NCK2: variants seen among roughly 807,000 people sequenced by gnomAD.
NCK2 encodes the protein cytoplasmic protein NCK2.
A neutral mutation model predicts 33.9 loss-of-function variants in NCK2; 16 were observed. The observed-to-expected ratio is 0.47, with a 90% confidence interval of 0.32 to 0.72. NCK2 has a LOEUF of 0.72. NCK2 is among the 30% of genes least tolerant of loss of function. NCK2 has a pLI of 0.03. For synonymous variants in NCK2, 273 were observed against 239.9 expected (o/e 1.14, Z -1.27); for missense variants, 418 against 537.3 (o/e 0.78, Z 2.19).
At chr2:105,848,236 G>C (rs192648512) in intron 2 of NCK2, among the ~76,000 whole-genome samples, 1 of 152,270 alleles carries the variant, frequency 6.6e-6, no homozygotes, top group Non-Finnish European at 1.5e-5. Flanking sequence ...ACACAGAAAT[G>C]GGGGGCAGAG....
chr2:105,885,242 A>G (rs914948547), intron 4 of NCK2, among the ~76,000 whole-genome samples: 4 of 152,232 alleles, frequency 2.6e-5, no homozygotes, highest in Non-Finnish European at 4.4e-5. Flanking sequence ...GTTCCCGAAG[A>G]TATCATGTAT....
chr2:105,852,070 G>A (rs1677089523), intron 2 of NCK2, among the ~76,000 whole-genome samples: 1 of 151,948 alleles, frequency 6.6e-6, no homozygotes, highest in African/African-American at 2.4e-5. Context: ...GTTGGAATAA[G>A]CCTATCAAAA....
intron 1 of NCK2, among the ~76,000 whole-genome samples, chr2:105,777,141 C>T (rs1169938755): frequency 6.6e-6 from 1 of 152,050 alleles, no homozygotes; most frequent in Non-Finnish European, 1.5e-5. Flanking sequence ...TCTGAGCCCA[C>T]GGCCCTGCGG....
At chr2:105,842,894 G>A (rs1676703590) in intron 2 of NCK2, among the ~76,000 whole-genome samples, 1 of 150,500 alleles carries the variant, frequency 6.6e-6, no homozygotes, top group Non-Finnish European at 1.5e-5. Context: ...GGGTGGTGGG[G>A]TGGGGGGGTT....
chr2:105,857,714 C>T lies in NCK2; in HGVS notation c.226+2425C>T, dbSNP rs181103607. The stretch of plus-strand genomic sequence containing the variant: ...CCAAAAGGCCCTTGGGGATCAGTAT[C>T]CCCGTCATGAGGGAGAAATATCCCC... On this transcript the variant is annotated intron_variant, in intron 3 of 4. Coordinates refer to ENST00000233154, the MANE Select transcript of NCK2 (RefSeq NM_003581.5). 2.6e-3 allele frequency among the ~76,000 whole-genome samples: 398 copies of T among 152,324 alleles called. 3 individuals carry two copies. Among genetic ancestry groups the T allele is most frequent in the Non-Finnish European group, 4.1e-3 (281 of 68,030 alleles).
intron 2 of NCK2, among the ~76,000 whole-genome samples, chr2:105,818,432 AATATAT>A (rs1009429130): frequency 2.0e-5 from 3 of 151,550 alleles, no homozygotes; most frequent in South Asian, 4.2e-4. Context: ...GTGTAATAAA[AATATAT>A]ATATATAAAA....
At chr2:105,801,890 G>A (rs1210714086) in intron 1 of NCK2, among the ~76,000 whole-genome samples, 1 of 152,252 alleles carries the variant, frequency 6.6e-6, no homozygotes, top group East Asian at 1.9e-4. Flanking sequence ...GATGGAGCTG[G>A]CATTGCATTC....
At chr2:105,864,026 G>A (rs1321138244) in intron 3 of NCK2, among the ~76,000 whole-genome samples, 2 of 152,142 alleles carry the variant, frequency 1.3e-5, no homozygotes, top group East Asian at 1.9e-4. Context: ...ATGTGAAGAC[G>A]GAAACCCATA....
At chr2:105,854,545 A>G (rs1038273888) in intron 2 of NCK2, 8 of 152,798 alleles carry the variant, frequency 5.2e-5, no homozygotes, top group African/African-American at 1.9e-4. Context: ...TTTTGATTTC[A>G]CCAGTATTTC....
At chr2:105,846,312 G>A (rs554910654) in intron 2 of NCK2, among the ~76,000 whole-genome samples, 1 of 152,124 alleles carries the variant, frequency 6.6e-6, no homozygotes, top group Non-Finnish European at 1.5e-5. Flanking sequence ...AGTCTAGTCT[G>A]CAGAACGCTA....
intron 3 of NCK2, among the ~76,000 whole-genome samples, chr2:105,876,639 A>T (rs374086685): frequency 6.6e-6 from 1 of 152,218 alleles, no homozygotes; most frequent in Non-Finnish European, 1.5e-5. Context: ...TTGTTGAGAA[A>T]ATATGTTAAA....
intron 1 of NCK2, among the ~76,000 whole-genome samples, chr2:105,783,600 A>G (rs1408795783): frequency 1.3e-5 from 2 of 152,144 alleles, no homozygotes; most frequent in Admixed American, 6.5e-5. Flanking sequence ...GCGGAGAATA[A>G]TGGTGTGTTT....
chr2:105,830,634 A>G (rs1434847994), intron 2 of NCK2, among the ~76,000 whole-genome samples: 1 of 145,208 alleles, frequency 6.9e-6, no homozygotes, highest in Non-Finnish European at 1.5e-5. Context: ...ATGGTAAATT[A>G]GTGTTCCTCT....
In NCK2 at chr2:105,882,006, G is replaced by T; in HGVS notation, c.905G>T (p.Arg302Leu). ...RHQAECALNERGVEGDFLIRD... is the reference protein window; with the variant it reads ...RHQAECALNELGVEGDFLIRD... ...CAGGCCGAGTGCGCCCTCAACGAGC[G>T]GGGCGTGGAGGGCGACTTCCTCATT... The change falls in exon 4 of 5, where the codon CGG (arginine) becomes CTG (leucine). Residue 302 changes from arginine to leucine, a missense_variant. Arg to Leu is a moderately radical substitution (Grantham distance 102). Coordinates refer to ENST00000233154, the MANE Select transcript of NCK2 (RefSeq NM_003581.5). The T allele has an allele frequency of 6.6e-7, 1 of 1,506,442 alleles. No homozygotes were observed. Among genetic ancestry groups the T allele is most frequent in the Non-Finnish European group, 8.9e-7 (1 of 1,127,034 alleles). The allele number at this position is 1,506,442 out of a possible 1,614,324, so 93.3% of individuals were successfully genotyped here. A position where few individuals can be genotyped will look rare whatever the true frequency, so the allele number is the denominator to read the frequency against.
chr2:105,832,386 A>G (rs532197287), intron 2 of NCK2, among the ~76,000 whole-genome samples: 1 of 152,292 alleles, frequency 6.6e-6, no homozygotes, highest in South Asian at 2.1e-4. Context: ...AGGAATAGGC[A>G]TTCTTATATT....
intron 4 of NCK2, among the ~76,000 whole-genome samples, chr2:105,889,589 T>TA (rs1461543488): frequency 8.5e-4 from 124 of 145,822 alleles, no homozygotes; most frequent in African/African-American, 3.0e-3. Context: ...TTTTTTTTTT[T>TA]TTTAATTATT....
intron 1 of NCK2, among the ~76,000 whole-genome samples, chr2:105,814,480 T>C (rs1023693638): frequency 6.6e-6 from 1 of 152,212 alleles, no homozygotes; most frequent in South Asian, 2.1e-4. Flanking sequence ...GTGTTCTGAC[T>C]TGCCCACTGT....
chr2:105,818,181 A>G (rs1675571368), intron 2 of NCK2, among the ~76,000 whole-genome samples: 1 of 150,848 alleles, frequency 6.6e-6, no homozygotes, highest in Non-Finnish European at 1.5e-5. Flanking sequence ...CGCAAGGACA[A>G]AAAACCAAAC....
At chr2:105,750,932 G>A (rs1229704067) in intron 1 of NCK2, among the ~76,000 whole-genome samples, 3 of 152,194 alleles carry the variant, frequency 2.0e-5, no homozygotes, top group Non-Finnish European at 4.4e-5. Context: ...TTTGCCACAT[G>A]AGCAAACATC....
Sources: allele counts gnomAD v4.1 joint callset (sites outside exome capture counted in the v4.1 genomes callset), GRCh38; gene constraint gnomAD v4.1.1; transcripts MANE v1.5; gene names NCBI Gene and HGNC (gene_info 2026-07-23, HGNC 2026-07-21).